The following NFIC variants were observed in gnomAD, a reference collection of about 807,000 sequenced individuals.
NFIC encodes the protein nuclear factor 1 C-type.
A neutral mutation model predicts 54.4 loss-of-function variants in NFIC; 12 were observed. The ratio of observed to expected loss-of-function variants is 0.22; its 90% CI spans 0.14 to 0.36. NFIC has a LOEUF of 0.36. Ranked by LOEUF, NFIC falls within the 10% of genes least tolerant of loss-of-function variation. The pLI, the probability that NFIC is intolerant of heterozygous loss-of-function variation, is 1.00. For synonymous variants in NFIC, 322 were observed against 319.2 expected (o/e 1.01, Z -0.09); for missense variants, 575 against 718.2 (o/e 0.80, Z 2.28).
At chr19:3,423,726 G>A (rs992338731) in intron 2 of NFIC, among the ~76,000 whole-genome samples, 4 of 152,178 alleles carry the variant, frequency 2.6e-5, no homozygotes, top group Non-Finnish European at 5.9e-5. Context: ...ATGGAGGGGC[G>A]GGCGCCGGGG....
chr19:3,365,556 G>C (rs541988886), upstream of NFIC, among the ~76,000 whole-genome samples: 1 of 152,162 alleles, frequency 6.6e-6, no homozygotes. Context: ...GCCCTGTTAC[G>C]TCTAGAAGGA....
chr19:3,395,828 G>A (rs1002434498), intron 2 of NFIC, among the ~76,000 whole-genome samples: 4 of 151,994 alleles, frequency 2.6e-5, no homozygotes, highest in African/African-American at 7.2e-5. Flanking sequence ...TTACAGGCGC[G>A]TGCCACCACA....
upstream of NFIC, among the ~76,000 whole-genome samples, chr19:3,366,002 G>A (rs1013576841): frequency 6.6e-6 from 1 of 152,040 alleles, no homozygotes; most frequent in Non-Finnish European, 1.5e-5. Flanking sequence ...GAGGCGCGCT[G>A]GCCGGCCTCT....
rs74741143 is a variant in NFIC at position 3,468,453 on chromosome 19, C to T, written c.*5684C>T. ...CAGGCCCCCCCAAAACCAAAGCCCC[C>T]TCAAGTCCTGGGGTCCCAGCCTGTG... is the stretch of plus-strand genomic sequence containing the variant. On this transcript the variant is annotated 3_prime_UTR_variant, in exon 11 of 11. Transcript: ENST00000443272. 4,680 of 152,288 alleles carry T rather than the reference C, an allele frequency of 0.031. 104 individuals carry two copies. Among genetic ancestry groups the T allele is most frequent in the South Asian group, 0.065 (312 of 4,824 alleles). The allele number at this position is 152,288 out of a possible 1,614,324, so 9.4% of individuals were successfully genotyped here. A position where few individuals can be genotyped will look rare whatever the true frequency, so the allele number is the denominator to read the frequency against.
chr19:3,376,505 G>T lies in NFIC; in HGVS notation c.31-5207G>T, dbSNP rs183911578. On this transcript the variant is annotated intron_variant, in intron 1 of 10. Transcript: ENST00000443272. ...CCCAGTGCCTTAGGAGGCCGAGGTG[G>T]GAGGATCACTTGAGCCCAGGAGTTT... Among the ~76,000 whole-genome samples the T allele has an allele frequency of 1.8e-4, 28 of 151,616 alleles. No individual in the cohort carries two copies. In the East Asian group the frequency reaches 5.0e-3, roughly 27 times the overall value.
intron 1 of NFIC, among the ~76,000 whole-genome samples, chr19:3,368,952 TTTCTCC>T (rs1321274100): frequency 1.3e-5 from 2 of 151,492 alleles, no homozygotes; most frequent in Non-Finnish European, 2.9e-5. Flanking sequence ...TGTGTGTCTG[TTTCTCC>T]CTGTCTCTCC....
At chr19:3,433,688 T>C in intron 4 of NFIC, 96 bp downstream of exon 4, 2 of 1,340,050 alleles carry the variant, frequency 1.5e-6, no homozygotes, top group Non-Finnish European at 1.0e-6. Context: ...CCTTGTCCTT[T>C]CCAGACAACC....
chr19:3,365,124 T>TG (rs1206177160), upstream of NFIC, among the ~76,000 whole-genome samples: 1 of 152,164 alleles, frequency 6.6e-6, no homozygotes, highest in Non-Finnish European at 1.5e-5. Flanking sequence ...TGTCAGACCC[T>TG]GGGCAAGTGG....
At chr19:3,377,693 C>T (rs1276230469) in intron 1 of NFIC, among the ~76,000 whole-genome samples, 1 of 152,060 alleles carries the variant, frequency 6.6e-6, no homozygotes, top group Non-Finnish European at 1.5e-5. Context: ...CTCACTGCAG[C>T]CTCGACCTCT....
rs1471264252 is a variant in NFIC, at chr19:3,463,378, C to T, written c.*609C>T. 2 of 986,080 alleles carry T rather than the reference C, an allele frequency of 2.0e-6. No individual in the cohort carries two copies. The highest frequency in any genetic ancestry group is 1.2e-6 in the Non-Finnish European group (1 of 830,470). The allele number at this position is 986,080 out of a possible 1,614,324, so 61.1% of individuals were successfully genotyped here. On this transcript the variant is annotated 3_prime_UTR_variant, in exon 11 of 11. Transcript: ENST00000443272. ...CGGACCCCGGCCGGGCAGCGGAGAC[C>T]GCAGAGGCGGGCAGGGTGGGGCAGG...
Position 3,453,719 on chromosome 19 carries a change from A to G in NFIC, c.1270-44A>G. 6.4e-7 allele frequency: 1 copy of G among 1,565,682 alleles called. No individual in the cohort carries two copies. The highest frequency in any genetic ancestry group is 2.4e-5 in the East Asian group (1 of 40,998). On this transcript the variant is annotated intron_variant, in intron 8 of 10. Transcript: ENST00000443272. The surrounding 1 kb of genome is among the most constrained non-coding windows in gnomAD (Gnocchi z 6.7). ...GGCCGGCGCCAGCAGCCCGAGGTAG[A>G]GGGGGAGCCCACCCCTTAACCACGT...
intron 10 of NFIC, 65 bp from the exon 11 acceptor site, chr19:3,462,687 G>C: frequency 6.4e-7 from 1 of 1,569,608 alleles, no homozygotes; most frequent in Non-Finnish European, 8.8e-7. Context: ...CTGCAGCAGA[G>C]TCTGACCCCT....
Position 3,459,167 on chromosome 19 carries a change from TG to T in NFIC, c.1509+2533del, listed in dbSNP as rs1207032233. On this transcript the variant is annotated intron_variant, in intron 10 of 10. Coordinates refer to ENST00000443272, the MANE Select transcript of NFIC (RefSeq NM_001245002.2). This position sits in a 1 kb window ranked among gnomAD's most constrained non-coding sequence, Gnocchi z 4.2. ...TATTCCTGGCGGATTCGCTTCCCTC[TG>T]CCCCCTCCTCCCCCAAAGCCTGGGT... is the stretch of plus-strand genomic sequence containing the variant. Among the ~76,000 whole-genome samples, 1 of 151,964 alleles carries T rather than the reference TG, an allele frequency of 6.6e-6. No individual in the cohort carries two copies. The highest frequency in any genetic ancestry group is 2.4e-5 in the African/African-American group (1 of 41,374).
rs1224786846 is a variant in NFIC, at chr19:3,456,535, C to T, written c.1424-15C>T. 8 of 1,550,986 alleles carry T rather than the reference C, an allele frequency of 5.2e-6. No homozygotes were observed. Among genetic ancestry groups the T allele is most frequent in the Admixed American group, 3.9e-5 (2 of 51,030 alleles). ...CCCCTCGCTAACGGGCTCTCGGTCT[C>T]TCTCCTCCCTGCAGCCTACTCTCCG... On this transcript the variant is annotated splice_polypyrimidine_tract_variant and intron_variant, in intron 9 of 10. Transcript: ENST00000443272.
chr19:3,460,639 G>A (rs981631730), intron 10 of NFIC, among the ~76,000 whole-genome samples: 1 of 151,910 alleles, frequency 6.6e-6, no homozygotes, highest in Non-Finnish European at 1.5e-5. Context: ...TCAGCCTCCC[G>A]AGTAGCTGGG....
chr19:3,374,668 G>A (rs1045115307), intron 1 of NFIC, among the ~76,000 whole-genome samples: 7 of 152,278 alleles, frequency 4.6e-5, no homozygotes, highest in African/African-American at 1.2e-4. Context: ...GAGATAGGGC[G>A]TTGAGGGATG....
chr19:3,399,096 A>T (rs2081512456), intron 2 of NFIC, among the ~76,000 whole-genome samples: 1 of 152,194 alleles, frequency 6.6e-6, no homozygotes. Flanking sequence ...TCTGAGCCTC[A>T]GCCTCCCCTT....
Position 3,370,744 on chromosome 19 carries a change from T to G in NFIC, c.30+4078T>G, listed in dbSNP as rs2080992767. On this transcript the variant is annotated intron_variant, in intron 1 of 10. Transcript: ENST00000443272. This position sits in a 1 kb window ranked among gnomAD's most constrained non-coding sequence, Gnocchi z 5.2. ...CCTCTCTCTCTGTTCCTCCTCTTCTTTCTCTCTCTCTGTCTCTCTGAGCTG... is the reference window on the plus strand; with the variant it reads ...CCTCTCTCTCTGTTCCTCCTCTTCTGTCTCTCTCTCTGTCTCTCTGAGCTG... Among the ~76,000 whole-genome samples the G allele has an allele frequency of 6.6e-6, 1 of 151,482 alleles. No individual in the cohort carries two copies. The highest frequency in any genetic ancestry group is 1.5e-5 in the Non-Finnish European group (1 of 67,836).
chr19:3,457,043 C>T (rs1036892780), intron 10 of NFIC, among the ~76,000 whole-genome samples: 1 of 152,166 alleles, frequency 6.6e-6, no homozygotes, highest in Admixed American at 6.5e-5. Context: ...CCATCCACGC[C>T]GAGGCCTAGA....
Sources: gnomAD v4.1 joint callset for allele counts (sites outside exome capture counted in the v4.1 genomes callset) on GRCh38, gnomAD v4.1.1 for gene constraint, Gnocchi (gnomAD v3.1) non-coding constraint, MANE v1.5 for transcripts, NCBI Gene and HGNC (gene_info 2026-07-23, HGNC 2026-07-21) for gene names.